AGBL4: variants seen among roughly 807,000 people sequenced by gnomAD.
The protein encoded by AGBL4 is AGBL carboxypeptidase 4.
In AGBL4, 58 loss-of-function variants were observed where a neutral mutation model predicts 66.4. The ratio of observed to expected loss-of-function variants is 0.87; its 90% CI spans 0.71 to 1.09. The LOEUF is 1.09. Ranked by LOEUF, AGBL4 falls within the 50% of genes least tolerant of loss-of-function variation. The pLI is 0.00. For synonymous variants in AGBL4, 234 were observed against 222.9 expected, an observed-to-expected ratio of 1.05 and a Z score of -0.44; for missense variants, 579 against 631.0, an observed-to-expected ratio of 0.92 and a Z score of 0.88.
intron 3 of AGBL4, among the ~76,000 whole-genome samples, chr1:49,475,168 T>G (rs1646822755): frequency 1.3e-5 from 2 of 152,060 alleles, no homozygotes; most frequent in Non-Finnish European, 2.9e-5. Context: ...TGTTATCGCA[T>G]GCTTTTCCTG....
intron 2 of AGBL4, among the ~76,000 whole-genome samples, chr1:49,810,548 A>T (rs1253861841): frequency 6.6e-6 from 1 of 152,166 alleles, no homozygotes; most frequent in Non-Finnish European, 1.5e-5. Context: ...AATAGGGGGT[A>T]CTGGAGAAGG....
chr1:48,772,130 A>G (rs1180460648), intron 6 of AGBL4, among the ~76,000 whole-genome samples: 1 of 152,200 alleles, frequency 6.6e-6, no homozygotes, highest in African/African-American at 2.4e-5. Flanking sequence ...GGCACAAGGA[A>G]GCCAGGCCCC....
chr1:49,739,547 A>G (rs1197141351), intron 2 of AGBL4, among the ~76,000 whole-genome samples: 1 of 152,194 alleles, frequency 6.6e-6, no homozygotes, highest in Non-Finnish European at 1.5e-5. Flanking sequence ...TTCAGGAAAT[A>G]CTGAGAACGC....
intron 1 of AGBL4, among the ~76,000 whole-genome samples, chr1:49,881,935 T>C (rs1042436396): frequency 3.3e-5 from 5 of 152,172 alleles, no homozygotes; most frequent in Non-Finnish European, 7.3e-5. Flanking sequence ...CCATTGCTTT[T>C]GGTGTTTTGG....
intron 4 of AGBL4, among the ~76,000 whole-genome samples, chr1:49,140,704 G>T (rs1325439082): frequency 6.6e-6 from 1 of 152,224 alleles, no homozygotes; most frequent in Non-Finnish European, 1.5e-5. Flanking sequence ...TCTTGGATGT[G>T]CCCATTGGCC....
At chr1:48,528,649 T>G (rs899853354), downstream of AGBL4, among the ~76,000 whole-genome samples, 4 of 152,046 alleles carry the variant, frequency 2.6e-5, no homozygotes, top group Non-Finnish European at 5.9e-5. Flanking sequence ...TCTGAATTTC[T>G]TCATCTGCAA....
At chr1:48,915,713 C>G (rs889853628) in intron 5 of AGBL4, among the ~76,000 whole-genome samples, 3 of 152,008 alleles carry the variant, frequency 2.0e-5, no homozygotes, top group Non-Finnish European at 4.4e-5. Context: ...GTCTAGCTCT[C>G]CAGGTGATTC....
At chr1:49,967,796 A>T (rs1657694712) in intron 1 of AGBL4, among the ~76,000 whole-genome samples, 1 of 152,130 alleles carries the variant, frequency 6.6e-6, no homozygotes, top group Non-Finnish European at 1.5e-5. Context: ...TTCGGTTTAA[A>T]TTACATTTCT....
At chr1:49,134,462 G>A (rs1645965391) in intron 4 of AGBL4, among the ~76,000 whole-genome samples, 1 of 138,158 alleles carries the variant, frequency 7.2e-6, no homozygotes, top group South Asian at 2.8e-4. Context: ...TCCCAGAGCA[G>A]CCATTTTGGA....
At chr1:48,613,625 C>T (rs1645273517) in intron 9 of AGBL4, among the ~76,000 whole-genome samples, 1 of 152,186 alleles carries the variant, frequency 6.6e-6, no homozygotes, top group African/African-American at 2.4e-5. Flanking sequence ...TGTGTGGAAG[C>T]TTTAAATGAG....
chr1:49,036,417 C>G lies in AGBL4; in HGVS notation c.594+9167G>C, dbSNP rs563497330. Among the ~76,000 whole-genome samples the G allele has an allele frequency of 2.6e-5, 4 of 151,766 alleles. No homozygotes were observed. In the South Asian group the frequency reaches 8.3e-4, roughly 32 times the overall value. ...AGAAAATAACAACCTAGATCATGTC[C>G]AAAGAAGAACAACAAAGAAGGTAAA... On this transcript the variant is annotated intron_variant, in intron 5 of 13. Transcript: ENST00000371839.
intron 6 of AGBL4, among the ~76,000 whole-genome samples, chr1:48,759,936 A>T (rs1219981949): frequency 6.6e-6 from 1 of 152,204 alleles, no homozygotes; most frequent in African/African-American, 2.4e-5. Context: ...ACTCAACTGA[A>T]AAGTTCAAAG....
At chr1:48,577,295 C>A (rs1287976662) in intron 11 of AGBL4, among the ~76,000 whole-genome samples, 3 of 152,176 alleles carry the variant, frequency 2.0e-5, no homozygotes, top group Non-Finnish European at 4.4e-5. Context: ...ACTTAGGAAC[C>A]AACCAGGATT....
intron 4 of AGBL4, among the ~76,000 whole-genome samples, chr1:49,073,361 G>A (rs1644648249): frequency 6.6e-6 from 1 of 152,090 alleles, no homozygotes; most frequent in Admixed American, 6.5e-5. Context: ...TTTCTGCACT[G>A]GTTTCTCCCC....
intron 6 of AGBL4, among the ~76,000 whole-genome samples, chr1:48,852,874 A>G (rs1465568609): frequency 6.6e-6 from 1 of 152,182 alleles, no homozygotes; most frequent in Admixed American, 6.5e-5. Context: ...GAAGGAACCA[A>G]AGAAGTAATA....
At chr1:48,811,351 C>A (rs1646045182) in intron 6 of AGBL4, among the ~76,000 whole-genome samples, 1 of 152,170 alleles carries the variant, frequency 6.6e-6, no homozygotes, top group African/African-American at 2.4e-5. Context: ...TCACATAGAC[C>A]TCTAGTGAGA....
chr1:49,617,766 A>G (rs1327308585), intron 3 of AGBL4, among the ~76,000 whole-genome samples: 3 of 152,242 alleles, frequency 2.0e-5, no homozygotes, highest in African/African-American at 7.2e-5. Flanking sequence ...ACAGGAGATA[A>G]GAAAGAAAGA....
intron 2 of AGBL4, among the ~76,000 whole-genome samples, chr1:49,722,540 A>T (rs986267789): frequency 1.3e-5 from 2 of 152,188 alleles, no homozygotes; most frequent in African/African-American, 4.8e-5. Flanking sequence ...TTAATGTTTT[A>T]TATGTCATCA....
intron 4 of AGBL4, among the ~76,000 whole-genome samples, chr1:49,094,106 G>C (rs992468509): frequency 6.6e-6 from 1 of 152,164 alleles, no homozygotes; most frequent in African/African-American, 2.4e-5. Flanking sequence ...GCCAAGAGTT[G>C]ATACAGATGC....
Sources: gnomAD v4.1 joint callset for allele counts (sites outside exome capture counted in the v4.1 genomes callset) on GRCh38, gnomAD v4.1.1 for gene constraint, MANE v1.5 for transcripts, NCBI Gene and HGNC (gene_info 2026-07-23, HGNC 2026-07-21) for gene names.